SNORC: variants seen among roughly 807,000 people sequenced by gnomAD.
SNORC encodes secondary ossification center associated regulator of chondrocyte maturation, also known as protein SNORC.
A neutral mutation model predicts 9.7 loss-of-function variants in SNORC; 11 were observed. That is an observed-to-expected ratio of 1.14 (90% CI 0.72 to 1.88). The LOEUF is 1.88. SNORC is among the 40% of genes most tolerant of loss of function. The pLI is 0.00. For missense variants in SNORC, 197 were observed against 173.1 expected (o/e 1.14, Z -0.77); for synonymous variants, 108 against 88.7 (o/e 1.22, Z -1.22).
chr2:232,875,105 C>T lies in SNORC; in HGVS notation c.74-835C>T, dbSNP rs138106910. 4.5e-3 allele frequency among the ~76,000 whole-genome samples: 689 copies of T among 152,244 alleles called. 8 individuals are homozygous for T. The highest frequency in any genetic ancestry group is 0.016 in the African/African-American group (665 of 41,530). On this transcript the variant is annotated intron_variant, in intron 1 of 2. Coordinates refer to ENST00000331342, the Ensembl canonical transcript of SNORC. ...CTGTAATCGCAGCACTTTGGGAGGC[C>T]GACACGGGTGTATCACCTGAGGTCA...
chr2:232,876,893 T>C, downstream of SNORC: 1 of 985,194 alleles, frequency 1.0e-6, no homozygotes, highest in East Asian at 1.1e-4. The surrounding 1 kb of genome is among the most constrained non-coding windows in gnomAD (Gnocchi z 6.8). Flanking sequence ...CCCATCCCGC[T>C]CCGCTGGGGT....
downstream of SNORC, chr2:232,877,551 T>A (rs1272496826): frequency 5.6e-6 from 1 of 177,282 alleles, no homozygotes; most frequent in Non-Finnish European, 1.1e-5. Flanking sequence ...TGCTTCTCTT[T>A]TTTAAAAATT....
At chr2:232,870,190 TG>T, upstream of SNORC, 2 of 544,696 alleles carry the variant, frequency 3.7e-6, no homozygotes, top group Non-Finnish European at 6.2e-6. Context: ...AGCGGGGGGG[TG>T]GGGAGGTGCG....
chr2:232,867,208 G>C (rs1186314418), upstream of SNORC, among the ~76,000 whole-genome samples: 1 of 152,192 alleles, frequency 6.6e-6, no homozygotes, highest in Admixed American at 6.5e-5. Flanking sequence ...TTTTGTTGGG[G>C]AATCACCTGT....
At chr2:232,870,150 G>A, upstream of SNORC, 2 of 625,284 alleles carry the variant, frequency 3.2e-6, no homozygotes, top group Non-Finnish European at 5.8e-6. Flanking sequence ...TCTGTTCTGT[G>A]AGCTCTTGTG....
chr2:232,876,667 C>G (rs1352034432), downstream of SNORC: 21 of 1,007,472 alleles, frequency 2.1e-5, no homozygotes, highest in Non-Finnish European at 2.5e-5. The surrounding 1 kb of genome is among the most constrained non-coding windows in gnomAD (Gnocchi z 6.8). Context: ...CCGTGCACCA[C>G]GGCTGGAGTG....
chr2:232,876,014 G>C lies in SNORC; in HGVS notation c.148G>C (p.Glu50Gln), dbSNP rs1691219402. Residue 50 changes from glutamate (E) to glutamine (Q), a missense_variant, in exon 2 of 3, where the codon GAG (glutamate) becomes CAG (glutamine). Transcript: ENST00000331342. This position sits in a 1 kb window ranked among gnomAD's most constrained non-coding sequence, Gnocchi z 6.8. Reference sequence around the variant, plus strand: ...GCTGCCGTCGGGAGAAGGCCCCGTGGAGAGCACCAGCCCCGGCCGGGAGCC... The same window carrying C: ...GCTGCCGTCGGGAGAAGGCCCCGTGCAGAGCACCAGCCCCGGCCGGGAGCC... 1 of 1,551,066 alleles carries C rather than the reference G, an allele frequency of 6.4e-7. No individual in the cohort carries two copies. The highest frequency in any genetic ancestry group is 8.7e-7 in the Non-Finnish European group (1 of 1,151,048).
downstream of SNORC, chr2:232,878,190 T>A (rs1286025101): frequency 2.0e-5 from 3 of 152,370 alleles, no homozygotes; most frequent in African/African-American, 7.2e-5. Context: ...AGGCCTGTTC[T>A]GGCGAGCAGG....
At chr2:232,868,554 A>G (rs1163548353), upstream of SNORC, among the ~76,000 whole-genome samples, 1 of 152,210 alleles carries the variant, frequency 6.6e-6, no homozygotes, top group African/African-American at 2.4e-5. Context: ...CTATCTTTTT[A>G]AAGTTGCCGG....
At chr2:232,876,776 G>A, downstream of SNORC, 4 of 985,268 alleles carry the variant, frequency 4.1e-6, no homozygotes, top group African/African-American at 5.2e-5. The surrounding 1 kb of genome is among the most constrained non-coding windows in gnomAD (Gnocchi z 6.8). Flanking sequence ...CCCGTCCGGG[G>A]GCACCGTCAC....
chr2:232,874,881 C>T (rs1195312543), intron 1 of SNORC, among the ~76,000 whole-genome samples: 6 of 152,360 alleles, frequency 3.9e-5, no homozygotes, highest in Middle Eastern at 3.4e-3. Context: ...GGCACCTTAT[C>T]CCCAAGCCTT....
downstream of SNORC, chr2:232,876,902 G>GT: frequency 2.0e-6 from 2 of 985,440 alleles, no homozygotes; most frequent in East Asian, 1.1e-4. The surrounding 1 kb of genome is among the most constrained non-coding windows in gnomAD (Gnocchi z 6.8). Context: ...CTCCGCTGGG[G>GT]TTCAGAGCGT....
At chr2:232,876,582 A>T (rs1458136936), downstream of SNORC, 1 of 1,142,678 alleles carries the variant, frequency 8.8e-7, no homozygotes, top group African/African-American at 1.6e-5. The surrounding 1 kb of genome is among the most constrained non-coding windows in gnomAD (Gnocchi z 6.8). Flanking sequence ...GGCGTGCGTG[A>T]GCGCACAGCA....
chr2:232,876,105 G>A lies in SNORC; in HGVS notation c.239G>A (p.Arg80Gln), dbSNP rs1381805929. 1.3e-6 allele frequency: 2 copies of A among 1,506,508 alleles called. No individual in the cohort carries two copies. Among genetic ancestry groups the A allele is most frequent in the East Asian group, 2.7e-5 (1 of 37,482 alleles). 93.3% of individuals were successfully genotyped at this position (1,506,508 alleles called of 1,614,324 possible). A position where few individuals can be genotyped will look rare whatever the true frequency, so the allele number is the denominator to read the frequency against. The change falls in exon 2 of 3, where the codon CGG becomes CAG. Residue 80 changes from arginine to glutamine, a missense_variant. By Grantham distance (43) the Arg-to-Gln change is conservative. Transcript: ENST00000331342. The surrounding 1 kb of genome is among the most constrained non-coding windows in gnomAD (Gnocchi z 6.8). ...CCCGAGGACAGCACCGCGCAGGAGCGGCTGGACCAGGGCGGCGGTACGGGC... is the reference window on the plus strand; with the variant it reads ...CCCGAGGACAGCACCGCGCAGGAGCAGCTGGACCAGGGCGGCGGTACGGGC...
At chr2:232,875,016 C>T (rs993291439) in intron 1 of SNORC, among the ~76,000 whole-genome samples, 2 of 152,228 alleles carry the variant, frequency 1.3e-5, no homozygotes, top group South Asian at 2.1e-4. Context: ...GGTCGAGTGT[C>T]CCTGGATCAC....
upstream of SNORC, among the ~76,000 whole-genome samples, chr2:232,868,658 C>G (rs990192495): frequency 6.6e-6 from 1 of 152,226 alleles, no homozygotes; most frequent in African/African-American, 2.4e-5. Flanking sequence ...AAATCCACCC[C>G]AACATTCCTT....
At chr2:232,877,452 G>A (rs1328149528), downstream of SNORC, 1 of 779,048 alleles carries the variant, frequency 1.3e-6, no homozygotes, top group East Asian at 1.3e-4. Flanking sequence ...TGGAGGGAAG[G>A]GTTGGACAGT....
downstream of SNORC, chr2:232,876,820 C>A (rs1282510850): frequency 2.5e-5 from 25 of 985,410 alleles, no homozygotes; most frequent in Non-Finnish European, 2.9e-5. The surrounding 1 kb of genome is among the most constrained non-coding windows in gnomAD (Gnocchi z 6.8). Flanking sequence ...CCCCTTCTCC[C>A]GGCGCCGCCT....
intron 1 of SNORC, among the ~76,000 whole-genome samples, chr2:232,873,857 C>T (rs1056028538): frequency 2.6e-5 from 4 of 152,232 alleles, no homozygotes; most frequent in African/African-American, 4.8e-5. Context: ...TCAAGGTTTG[C>T]GGGAGGCTAG....
Sources: allele counts gnomAD v4.1 joint callset (sites outside exome capture counted in the v4.1 genomes callset), GRCh38; gene constraint gnomAD v4.1.1; non-coding constraint Gnocchi (gnomAD v3.1); transcripts MANE v1.5; gene names NCBI Gene and HGNC (gene_info 2026-07-23, HGNC 2026-07-21).